NOL4: variants seen among roughly 807,000 people sequenced by gnomAD.
NOL4 encodes cancer/testis antigen 125.
Under a neutral mutation model 75.9 loss-of-function variants are expected in NOL4, and 17 were observed. That is an observed-to-expected ratio of 0.22 (90% CI 0.15 to 0.34). The LOEUF is 0.34. Among genes scored for constraint, NOL4 ranks in the 10% least tolerant of loss-of-function variants. The pLI is 1.00. For missense variants in NOL4, 614 were observed against 793.5 expected (o/e 0.77, Z 2.72); for synonymous variants, 292 against 289.9 (o/e 1.01, Z -0.07).
Position 34,101,578 on chromosome 18 carries a change from T to A in NOL4, c.639+2469A>T, listed in dbSNP as rs181827380. On this transcript the variant is annotated intron_variant, in intron 4 of 10. Transcript: ENST00000261592. ...TTCTGATACAGTTTATCAATTGGAA[T>A]CATTTTTGCCATAGGAACATTGCCT... 3.0e-3 allele frequency among the ~76,000 whole-genome samples: 455 copies of A among 152,284 alleles called. 2 individuals carry two copies. The highest frequency in any genetic ancestry group is 0.017 in the Middle Eastern group (5 of 294).
intron 6 of NOL4, among the ~76,000 whole-genome samples, chr18:33,980,557 A>G (rs2055068979): frequency 6.6e-6 from 1 of 151,954 alleles, no homozygotes; most frequent in South Asian, 2.1e-4. Flanking sequence ...AAAATTACCC[A>G]ACTCTAGCCT....
At chr18:34,077,430 T>A (rs1233290850) in intron 5 of NOL4, among the ~76,000 whole-genome samples, 1 of 152,128 alleles carries the variant, frequency 6.6e-6, no homozygotes, top group African/African-American at 2.4e-5. Context: ...TATAGATATA[T>A]ACACATATAT....
At chr18:33,886,391 G>C (rs1292386804) in intron 9 of NOL4, among the ~76,000 whole-genome samples, 1 of 151,716 alleles carries the variant, frequency 6.6e-6, no homozygotes, top group Non-Finnish European at 1.5e-5. Flanking sequence ...AGCTGGGCGT[G>C]GTGGTGGGCC....
At chr18:34,057,914 G>C (rs965859511) in intron 5 of NOL4, among the ~76,000 whole-genome samples, 3 of 152,150 alleles carry the variant, frequency 2.0e-5, no homozygotes, top group African/African-American at 7.2e-5. Flanking sequence ...AAAAAATGCA[G>C]AGCATGATTT....
chr18:33,863,165 G>C (rs554136983), intron 10 of NOL4, among the ~76,000 whole-genome samples: 1 of 151,302 alleles, frequency 6.6e-6, no homozygotes, highest in Non-Finnish European at 1.5e-5. Flanking sequence ...GTAAACTATC[G>C]CAAGAACAAA....
At chr18:34,075,159 T>C (rs916420267) in intron 5 of NOL4, among the ~76,000 whole-genome samples, 19 of 152,178 alleles carry the variant, frequency 1.2e-4, no homozygotes, top group African/African-American at 4.3e-4. Flanking sequence ...CTTTCAGGTT[T>C]TTCTTCAGAT....
chr18:34,222,978 C>G lies in NOL4; in HGVS notation c.264+12G>C. ...CCGGCAGACAAATAACAGAGGAAGG[C>G]GAGTCACTCACCGTGGTCTTGACAG... On this transcript the variant is annotated intron_variant, in intron 1 of 10. Transcript: ENST00000261592. 6.2e-7 allele frequency: 1 copy of G among 1,603,342 alleles called. No homozygotes were observed. Among genetic ancestry groups the G allele is most frequent in the Non-Finnish European group, 8.5e-7 (1 of 1,179,386 alleles).
chr18:34,029,797 G>C (rs2075543736), intron 5 of NOL4, among the ~76,000 whole-genome samples: 1 of 152,046 alleles, frequency 6.6e-6, no homozygotes, highest in Non-Finnish European at 1.5e-5. Flanking sequence ...TTATTTTCTA[G>C]ATAATACAAA....
chr18:34,132,166 G>A (rs942286374), intron 1 of NOL4, among the ~76,000 whole-genome samples: 6 of 152,222 alleles, frequency 3.9e-5, no homozygotes, highest in South Asian at 2.1e-4. Context: ...TCTCCTCTGC[G>A]TTTTTCTCTC....
At chr18:33,937,477 G>A (rs1301143177) in intron 9 of NOL4, among the ~76,000 whole-genome samples, 1 of 152,134 alleles carries the variant, frequency 6.6e-6, no homozygotes, top group East Asian at 1.9e-4. Context: ...CCAATTTTGA[G>A]TGTTCATGTT....
In NOL4 at chr18:34,223,420, C is replaced by A; in HGVS notation, c.-167G>T. On this transcript the variant is annotated 5_prime_UTR_variant, in exon 1 of 11. Coordinates refer to ENST00000261592, the MANE Select transcript of NOL4 (RefSeq NM_003787.5). ...AGGGATGGGAAGAGGGGAGGAGGGT[C>A]CGGTTGGGCACCAGCAATCAATGCC... is the stretch of plus-strand genomic sequence containing the variant. The A allele has an allele frequency of 2.2e-6, 2 of 899,952 alleles. No individual in the cohort carries two copies. Among genetic ancestry groups the A allele is most frequent in the Non-Finnish European group, 1.6e-6 (1 of 608,258 alleles). The allele number at this position is 899,952 out of a possible 1,614,324, so 55.7% of individuals were successfully genotyped here.
At chr18:33,870,065 T>C (rs986664463) in intron 10 of NOL4, among the ~76,000 whole-genome samples, 1 of 152,108 alleles carries the variant, frequency 6.6e-6, no homozygotes, top group African/African-American at 2.4e-5. Flanking sequence ...GCATAAATTG[T>C]ATGTATTTAT....
intron 1 of NOL4, among the ~76,000 whole-genome samples, chr18:34,208,198 C>T (rs554288450): frequency 1.3e-5 from 2 of 152,266 alleles, no homozygotes; most frequent in African/African-American, 2.4e-5. Context: ...ATTTACCCTG[C>T]TATTGTTTGT....
intron 10 of NOL4, among the ~76,000 whole-genome samples, chr18:33,869,430 G>C (rs936458229): frequency 1.3e-5 from 2 of 151,928 alleles, no homozygotes; most frequent in African/African-American, 4.8e-5. Flanking sequence ...GGTAGATCCT[G>C]CTACCTCTAG....
chr18:33,936,833 A>G (rs1275139259), intron 9 of NOL4, among the ~76,000 whole-genome samples: 1 of 152,118 alleles, frequency 6.6e-6, no homozygotes, highest in Non-Finnish European at 1.5e-5. Context: ...TCATCCCTCA[A>G]AACCAGCAAA....
intron 1 of NOL4, among the ~76,000 whole-genome samples, chr18:34,171,900 C>A (rs954721997): frequency 6.6e-6 from 1 of 152,004 alleles, no homozygotes; most frequent in Non-Finnish European, 1.5e-5. Flanking sequence ...ACTCTCTATC[C>A]CAAATGGTAA....
intron 10 of NOL4, among the ~76,000 whole-genome samples, chr18:33,872,680 C>T (rs564090780): frequency 9.9e-5 from 15 of 151,988 alleles, no homozygotes; most frequent in African/African-American, 3.6e-4. Context: ...AGTAGGCTCT[C>T]ACTATTTTGC....
At chr18:34,141,965 A>T (rs945548166) in intron 1 of NOL4, among the ~76,000 whole-genome samples, 2 of 152,150 alleles carry the variant, frequency 1.3e-5, no homozygotes, top group Non-Finnish European at 2.9e-5. Context: ...GAATCTACAA[A>T]GAACTCAAAC....
intron 6 of NOL4, among the ~76,000 whole-genome samples, chr18:33,973,368 T>G (rs2071231086): frequency 6.6e-6 from 1 of 152,196 alleles, no homozygotes; most frequent in Non-Finnish European, 1.5e-5. Flanking sequence ...TGACTTCCTC[T>G]ACTGAAGGCT....
Sources: gnomAD v4.1 joint callset for allele counts (sites outside exome capture counted in the v4.1 genomes callset) on GRCh38, gnomAD v4.1.1 for gene constraint, MANE v1.5 for transcripts, NCBI Gene and HGNC (gene_info 2026-07-23, HGNC 2026-07-21) for gene names.